ATRNL1: variants seen among roughly 807,000 people sequenced by gnomAD.
ATRNL1 encodes the protein attractin like 1, also known as attractin-like protein 1.
Under a neutral mutation model 182.7 loss-of-function variants are expected in ATRNL1, and 95 were observed. The ratio of observed to expected loss-of-function variants is 0.52; its 90% CI spans 0.44 to 0.62. The LOEUF is 0.62. Ranked by LOEUF, ATRNL1 falls within the 20% of genes least tolerant of loss-of-function variation. ATRNL1 has a pLI of 0.00. For synonymous variants in ATRNL1, 576 were observed against 568.3 expected (o/e 1.01, Z -0.19); for missense variants, 1,471 against 1,679.5 (o/e 0.88, Z 2.17).
At chr10:115,858,917 TAAAC>T in intron 28 of ATRNL1, among the ~76,000 whole-genome samples, 1 of 152,110 alleles carries the variant, frequency 6.6e-6, no homozygotes, top group East Asian at 1.9e-4. Flanking sequence ...CTCGGTGACT[TAAAC>T]AACAAACATT....
intron 26 of ATRNL1, among the ~76,000 whole-genome samples, chr10:115,713,712 CTATCT>C (rs1565310961): frequency 1.8e-4 from 17 of 95,398 alleles, no homozygotes; most frequent in Admixed American, 3.6e-4. Flanking sequence ...TATCATCTAT[CTATCT>C]ATCTATCTAT....
At position 115,118,884 on chromosome 10, in the gene ATRNL1, C is replaced by G. The variant is rs527693132; in HGVS notation, c.294-1301C>G. ...AAGTTGTCTTCAGTGGAGAGTTTTT[C>G]TGAATTACTGCACTTAGTATTAATA... On this transcript the variant is annotated intron_variant, in intron 1 of 28. Coordinates refer to ENST00000355044, the MANE Select transcript of ATRNL1 (RefSeq NM_207303.4). 2.6e-5 allele frequency among the ~76,000 whole-genome samples: 4 copies of G among 152,136 alleles called. No individual in the cohort carries two copies. The South Asian group carries it at 8.3e-4, about 32-fold the overall frequency.
rs546478352 is a variant in ATRNL1 at position 115,483,330 on chromosome 10, A to G, written c.3654+14001A>G. 3.3e-5 allele frequency among the ~76,000 whole-genome samples: 5 copies of G among 151,572 alleles called. No homozygotes were observed. The East Asian group carries it at 9.7e-4, about 29-fold the overall frequency. On this transcript the variant is annotated intron_variant, in intron 24 of 28. Coordinates refer to ENST00000355044, the MANE Select transcript of ATRNL1 (RefSeq NM_207303.4). ...ACGCTGGGAAAAAAATTGTTTAGAA[A>G]GAGAGGGCATCTTGACTGAAGCTTT...
chr10:115,231,079 A>G (rs1554899914), intron 9 of ATRNL1, among the ~76,000 whole-genome samples: 1 of 152,098 alleles, frequency 6.6e-6, no homozygotes, highest in East Asian at 1.9e-4. Flanking sequence ...TGAGGTACAT[A>G]CTATACAGCT....
chr10:115,698,175 A>C (rs2133988199), intron 26 of ATRNL1, among the ~76,000 whole-genome samples: 1 of 151,504 alleles, frequency 6.6e-6, no homozygotes, highest in East Asian at 1.9e-4. Context: ...TAACCATTAA[A>C]TAATAATAAG....
intron 20 of ATRNL1, 131 bp downstream of exon 20, chr10:115,394,883 T>G: frequency 1.4e-6 from 1 of 708,776 alleles, no homozygotes; most frequent in Non-Finnish European, 2.3e-6. Flanking sequence ...AACTTTTATT[T>G]TAGATTTGAG....
intron 15 of ATRNL1, among the ~76,000 whole-genome samples, chr10:115,288,811 C>T (rs554326059): frequency 1.3e-5 from 2 of 152,228 alleles, no homozygotes; most frequent in African/African-American, 4.8e-5. Flanking sequence ...CATGAGCCAC[C>T]GTGTCCGGCC....
intron 21 of ATRNL1, 42 bp from the exon 22 acceptor site, chr10:115,461,899 T>C: frequency 1.4e-6 from 2 of 1,438,430 alleles, no homozygotes; most frequent in Non-Finnish European, 1.9e-6. Flanking sequence ...TAGACAGTTT[T>C]TAAAGTACAT....
intron 26 of ATRNL1, among the ~76,000 whole-genome samples, chr10:115,653,556 A>G (rs1179194514): frequency 6.6e-6 from 1 of 152,184 alleles, no homozygotes; most frequent in East Asian, 1.9e-4. Context: ...AAACAACAGT[A>G]ACAATATCCT....
intron 5 of ATRNL1, 103 bp downstream of exon 5, chr10:115,129,638 C>G (rs1409707111): frequency 3.8e-6 from 3 of 782,938 alleles, no homozygotes; most frequent in Non-Finnish European, 5.9e-6. Context: ...CACACCCAAG[C>G]CTTATATATT....
chr10:115,381,473 A>G (rs1313490056), intron 19 of ATRNL1, among the ~76,000 whole-genome samples: 1 of 99,756 alleles, frequency 1.0e-5, no homozygotes, highest in South Asian at 3.0e-4. Context: ...TTTCTTCACC[A>G]TGTTGGCCAG....
chr10:115,180,646 A>G (rs141016099), intron 8 of ATRNL1, among the ~76,000 whole-genome samples: 13 of 152,052 alleles, frequency 8.5e-5, no homozygotes, highest in Non-Finnish European at 1.6e-4. Flanking sequence ...CTAGTATCAG[A>G]TTTTTCAAAA....
At chr10:115,491,619 T>C (rs553752458) in intron 24 of ATRNL1, among the ~76,000 whole-genome samples, 2 of 152,218 alleles carry the variant, frequency 1.3e-5, no homozygotes, top group South Asian at 4.1e-4. Flanking sequence ...AGCATCCCAG[T>C]TCAACCTCAG....
At chr10:115,705,602 T>C (rs1946871913) in intron 26 of ATRNL1, among the ~76,000 whole-genome samples, 1 of 151,934 alleles carries the variant, frequency 6.6e-6, no homozygotes, top group African/African-American at 2.4e-5. Flanking sequence ...ACCATCACTA[T>C]AAAATTATGC....
At chr10:115,634,025 T>G (rs1858702134) in intron 26 of ATRNL1, among the ~76,000 whole-genome samples, 1 of 152,114 alleles carries the variant, frequency 6.6e-6, no homozygotes, top group South Asian at 2.1e-4. Context: ...CTGAGAATTT[T>G]GAAATTTTGT....
intron 26 of ATRNL1, among the ~76,000 whole-genome samples, chr10:115,695,404 A>G (rs1946526645): frequency 6.6e-6 from 1 of 152,190 alleles, no homozygotes; most frequent in Non-Finnish European, 1.5e-5. Flanking sequence ...TAATATTTCA[A>G]CATTCTTTTT....
chr10:115,763,848 TATTGA>T (rs1459693727), intron 27 of ATRNL1, among the ~76,000 whole-genome samples: 1 of 152,166 alleles, frequency 6.6e-6, no homozygotes, highest in Non-Finnish European at 1.5e-5. Flanking sequence ...TTAGAAGAAA[TATTGA>T]ATTGTTTTAG....
At chr10:115,776,456 A>G (rs868944386) in intron 27 of ATRNL1, among the ~76,000 whole-genome samples, 7 of 152,280 alleles carry the variant, frequency 4.6e-5, no homozygotes, top group South Asian at 2.1e-4. Context: ...TCTTCTGTTA[A>G]GAGGTGGGGT....
chr10:115,269,594 A>T (rs1851754055), intron 13 of ATRNL1, among the ~76,000 whole-genome samples: 1 of 152,160 alleles, frequency 6.6e-6, no homozygotes, highest in African/African-American at 2.4e-5. Context: ...TCAGCCTCCC[A>T]AAGTGCTGGG....
Sources: allele counts gnomAD v4.1 joint callset (sites outside exome capture counted in the v4.1 genomes callset), GRCh38; gene constraint gnomAD v4.1.1; transcripts MANE v1.5; gene names NCBI Gene and HGNC (gene_info 2026-07-23, HGNC 2026-07-21).